The following DVL1 variants were observed in gnomAD, a reference collection of about 807,000 sequenced individuals.
The protein encoded by DVL1 is dishevelled segment polarity protein 1.
In DVL1, 49 loss-of-function variants were observed where a neutral mutation model predicts 65.0. The ratio of observed to expected loss-of-function variants is 0.75; its 90% CI spans 0.60 to 0.96. The LOEUF is 0.96. Among genes scored for constraint, DVL1 ranks in the 40% least tolerant of loss-of-function variants. The pLI is 0.00. For synonymous variants in DVL1, 608 were observed against 433.9 expected (o/e 1.40, Z -4.99); for missense variants, 1,197 against 1,045.4 (o/e 1.15, Z -2.00).
At position 1,340,336 on chromosome 1, in the gene DVL1, T is replaced by G. The variant is rs112871502; in HGVS notation, c.700-20A>C. On this transcript the variant is annotated intron_variant, in intron 6 of 14. Coordinates refer to ENST00000378888, the MANE Select transcript of DVL1 (RefSeq NM_001330311.2). ...GGAGGCCTATGGAGGAGAGGGGGCG[T>G]GTGTAAAAGGCACGGGGCTGCCCGA... The G allele has an allele frequency of 3.3e-5, 53 of 1,613,660 alleles. No individual in the cohort carries two copies. The African/African-American group carries it at 6.7e-4, about 20-fold the overall frequency.
intron 5 of DVL1, 85 bp downstream of exon 5, chr1:1,341,582 C>T: frequency 2.9e-6 from 4 of 1,379,718 alleles, no homozygotes; most frequent in Non-Finnish European, 3.8e-6. Context: ...AATGTGAAAA[C>T]ACCTCATGCA....
At chr1:1,342,875 C>G (rs1643869782) in intron 1 of DVL1, 117 bp from the exon 2 acceptor site, 1 of 936,978 alleles carries the variant, frequency 1.1e-6, no homozygotes, top group Middle Eastern at 2.3e-4. Context: ...TGTGGACACC[C>G]CTGCTAGCGC....
At chr1:1,337,891 G>T (rs754145019) in intron 14 of DVL1, 86 bp downstream of exon 14, 2 of 1,024,554 alleles carry the variant, frequency 2.0e-6, no homozygotes, top group African/African-American at 1.6e-5. Flanking sequence ...CAGCGGGGTG[G>T]GGTGGAACTG....
intron 14 of DVL1, chr1:1,337,073 A>G (rs1322542211): frequency 1.0e-6 from 1 of 988,186 alleles, no homozygotes; most frequent in Non-Finnish European, 1.2e-6. Flanking sequence ...AGCACAAGAC[A>G]AGGGATAGCA....
At chr1:1,339,513 G>C (rs546864912) in intron 10 of DVL1, 69 bp downstream of exon 10, 8 of 1,552,022 alleles carry the variant, frequency 5.2e-6, no homozygotes, top group Non-Finnish European at 6.1e-6. Flanking sequence ...GGGCACAGAG[G>C]AGAGAGGCCT....
At chr1:1,348,789 A>T in intron 1 of DVL1, 107 bp downstream of exon 1, 1 of 1,000,878 alleles carries the variant, frequency 1.0e-6, no homozygotes, top group Non-Finnish European at 1.3e-6. Context: ...TCGCGGTCGC[A>T]GGTCCCCGGG....
intron 1 of DVL1, among the ~76,000 whole-genome samples, chr1:1,345,425 C>T (rs1643901468): frequency 6.6e-6 from 1 of 152,196 alleles, no homozygotes; most frequent in South Asian, 2.1e-4. Flanking sequence ...GCCCTGCCGT[C>T]CCCACCCCAG....
Position 1,338,111 on chromosome 1 carries a change from T to G in DVL1, c.1580A>C (p.His527Pro), listed in dbSNP as rs749864968. ...SDQDTLAPLP[H>P]PAAPWPLGQG... is the part of the protein sequence containing the mutation. ...ACCCAGAGGCCAGGGGGCAGCCGGG[T>G]GGGGCAGCGGGGCCAGCGTGTCCTG... Residue 527 changes from histidine (H) to proline (P), a missense_variant, in exon 14 of 15, where the codon CAC becomes CCC. By Grantham distance (77) the His-to-Pro change is moderately conservative (BLOSUM62 -2). Transcript: ENST00000378888. 128 of 1,608,884 alleles carry G rather than the reference T, an allele frequency of 8.0e-5. No individual in the cohort carries two copies. Among genetic ancestry groups the G allele is most frequent in the Non-Finnish European group, 7.7e-5 (91 of 1,178,524 alleles).
In DVL1 at chr1:1,335,954, C is replaced by T. The variant is rs1261787529; in HGVS notation, c.*188G>A. 1.3e-5 allele frequency: 10 copies of T among 743,926 alleles called. No homozygotes were observed. The highest frequency in any genetic ancestry group is 2.9e-5 in the Admixed American group (1 of 35,016). The allele number at this position is 743,926 out of a possible 1,614,324, so 46.1% of individuals were successfully genotyped here. A position where few individuals can be genotyped will look rare whatever the true frequency, so the allele number is the denominator to read the frequency against. ...GGGCAGAGAGGGAGCGCCCCCAACA[C>T]GGCTGCTCAGACACAGGTGCTGTCA... On this transcript the variant is annotated 3_prime_UTR_variant, in exon 15 of 15. Transcript: ENST00000378888.
chr1:1,338,062 C>T lies in DVL1; in HGVS notation c.1629G>A (p.Pro543=), dbSNP rs1411518255. Residue 543 remains proline, a synonymous_variant, in exon 14 of 15, where the codon CCG becomes CCA. Transcript: ENST00000378888. ...CAGGCGGGAAGCAGGGTGGGGGTCC[C>T]GGGTACTGGTAGGGGTAGCCCTGAC... ...PLGQGYPYQY[P]GPPPCFPPAY... 2.0e-5 allele frequency: 32 copies of T among 1,610,846 alleles called. No homozygotes were observed. The highest frequency in any genetic ancestry group is 1.7e-4 in the Middle Eastern group (1 of 6,048).
At chr1:1,343,194 G>C (rs1417991584) in intron 1 of DVL1, among the ~76,000 whole-genome samples, 2 of 151,888 alleles carry the variant, frequency 1.3e-5, no homozygotes, top group Non-Finnish European at 2.9e-5. Context: ...CTCGGTTCAT[G>C]TATGTGGTGG....
intron 14 of DVL1, chr1:1,337,088 T>C: frequency 4.0e-6 from 4 of 987,856 alleles, no homozygotes; most frequent in Non-Finnish European, 4.8e-6. Flanking sequence ...ATAGCACGAG[T>C]TACACGCCCG....
chr1:1,342,799 C>T (rs747633847), intron 1 of DVL1, 41 bp from the exon 2 acceptor site: 12 of 1,600,308 alleles, frequency 7.5e-6, no homozygotes, highest in Non-Finnish European at 1.0e-5. Flanking sequence ...CTGGGGGGCC[C>T]AACCCTGCGG....
At chr1:1,338,224 G>A (rs373206650) in intron 13 of DVL1, 41 bp from the exon 14 acceptor site, 17 of 1,591,430 alleles carry the variant, frequency 1.1e-5, no homozygotes, top group African/African-American at 2.7e-5. Context: ...AGGGGCCTCC[G>A]GCGTTCCCCT....
At chr1:1,339,159 G>T in intron 11 of DVL1, 128 bp downstream of exon 11, 1 of 1,278,994 alleles carries the variant, frequency 7.8e-7, no homozygotes, top group Non-Finnish European at 1.1e-6. Flanking sequence ...TCTGTGCAGG[G>T]AGTTGGGGAC....
Position 1,339,820 on chromosome 1 carries a change from G to T in DVL1, c.910-8C>A, listed in dbSNP as rs201165686. The T allele has an allele frequency of 5.0e-6, 8 of 1,607,152 alleles. No homozygotes were observed. The highest frequency in any genetic ancestry group is 1.3e-5 in the African/African-American group (1 of 74,740). On this transcript the variant is annotated splice_region_variant and splice_polypyrimidine_tract_variant and intron_variant, in intron 8 of 14. Transcript: ENST00000378888. ...AAAGTTCACGTCATTCACCTGCAGG[G>T]GTGGGGATTAGGGTGGTGCAGGCAG...
At chr1:1,340,201 G>A (rs943204439) in intron 7 of DVL1, 24 bp from the exon 8 acceptor site, 17 of 1,613,598 alleles carry the variant, frequency 1.1e-5, no homozygotes, top group South Asian at 2.2e-5. Context: ...CATGAGCCGC[G>A]GCCAAGCCCC....
Position 1,339,321 on chromosome 1 carries a change from G to C in DVL1, c.1173C>G (p.Ser391=). 6.5e-7 allele frequency: 1 copy of C among 1,548,634 alleles called. No individual in the cohort carries two copies. Among genetic ancestry groups the C allele is most frequent in the Non-Finnish European group, 8.7e-7 (1 of 1,146,898 alleles). ...PCSSAVTRTS[S]SSLTSSVPGA... ...CAGGCACGGAGCTGGTTAGTGAGGA[G>C]GAGCTGGTGCGCGTGACGGCGCTGG... The change falls in exon 11 of 15, where the codon TCC becomes TCG. Residue 391 remains serine (S), a synonymous_variant. Transcript: ENST00000378888.
At position 1,342,085 on chromosome 1, in the gene DVL1, C is replaced by T. The variant is rs773305588; in HGVS notation, c.434G>A (p.Arg145Gln). ...TGTESMVSHRRERARRRNREE... is the reference protein window; with the variant it reads ...TGTESMVSHRQERARRRNREE... ...GCGGTTCCGGCGTCGGGCACGCTCC[C>T]GCCGGTGACTGACCATGGACTCCGT... The change falls in exon 4 of 15, where the codon CGG becomes CAG. Residue 145 changes from arginine (R) to glutamine (Q), a missense_variant. Arg to Gln is a conservative substitution (Grantham distance 43). Coordinates refer to ENST00000378888, the MANE Select transcript of DVL1 (RefSeq NM_001330311.2). 7.5e-6 allele frequency: 12 copies of T among 1,593,294 alleles called. No individual in the cohort carries two copies. Among genetic ancestry groups the T allele is most frequent in the East Asian group, 4.6e-5 (2 of 43,956 alleles).
Sources: allele counts gnomAD v4.1 joint callset (sites outside exome capture counted in the v4.1 genomes callset), GRCh38; gene constraint gnomAD v4.1.1; transcripts MANE v1.5; gene names NCBI Gene and HGNC (gene_info 2026-07-23, HGNC 2026-07-21).